Variants in ATAD2B observed in about 807,000 individuals in gnomAD.
ATAD2B encodes the protein ATPase family AAA domain-containing protein 2B.
Under a neutral mutation model 167.6 loss-of-function variants are expected in ATAD2B, and 40 were observed. That is an observed-to-expected ratio of 0.24 (90% CI 0.19 to 0.31). The LOEUF is 0.31. Ranked by LOEUF, ATAD2B falls within the 10% of genes least tolerant of loss-of-function variation. The probability of loss-of-function intolerance (pLI) is 1.00; values close to 1 mark genes in which losing one functional copy is unlikely to be tolerated. For synonymous variants in ATAD2B, 579 were observed against 596.5 expected (o/e 0.97, Z 0.43); for missense variants, 1,242 against 1,757.2 (o/e 0.71, Z 5.24).
At chr2:23,830,371 G>A (rs895511601) in intron 14 of ATAD2B, among the ~76,000 whole-genome samples, 2 of 152,144 alleles carry the variant, frequency 1.3e-5, no homozygotes, top group African/African-American at 4.8e-5. Flanking sequence ...TCAGAATTTT[G>A]TTTTCACATC....
At chr2:23,877,131 A>C (rs1314234219) in intron 7 of ATAD2B, among the ~76,000 whole-genome samples, 2 of 151,970 alleles carry the variant, frequency 1.3e-5, no homozygotes, top group South Asian at 2.1e-4. Flanking sequence ...AATCCATTAA[A>C]ATTTTTTTTT....
intron 13 of ATAD2B, among the ~76,000 whole-genome samples, chr2:23,848,047 C>T (rs910578798): frequency 1.3e-5 from 2 of 150,446 alleles, no homozygotes; most frequent in Non-Finnish European, 3.0e-5. Context: ...GAACTTGTCA[C>T]TTGCAGGCCC....
At chr2:23,904,870 G>T (rs1701292218) in intron 1 of ATAD2B, among the ~76,000 whole-genome samples, 1 of 151,996 alleles carries the variant, frequency 6.6e-6, no homozygotes, top group Non-Finnish European at 1.5e-5. Context: ...AGAGGCAGTG[G>T]TTACCATGAC....
chr2:23,710,434 A>G, the ATAD2B span, among the ~76,000 whole-genome samples: 52 of 152,230 alleles, frequency 3.4e-4, no homozygotes, highest in African/African-American at 1.1e-3. Flanking sequence ...AGGGACTCCA[A>G]CTGCTCATGA....
At chr2:23,738,047 T>C in the ATAD2B span, among the ~76,000 whole-genome samples, 1 of 152,156 alleles carries the variant, frequency 6.6e-6, no homozygotes, top group East Asian at 1.9e-4. Context: ...TATGGGACTA[T>C]GTGAAAAGAC....
At chr2:23,679,185 C>A in the ATAD2B span, among the ~76,000 whole-genome samples, 2 of 152,148 alleles carry the variant, frequency 1.3e-5, no homozygotes, top group African/African-American at 4.8e-5. Context: ...GCTTAACAAA[C>A]AATTCTAAAA....
chr2:23,788,331 A>AT, intron 20 of ATAD2B, 181 bp downstream of exon 20: 1 of 636,112 alleles, frequency 1.6e-6, no homozygotes, highest in Non-Finnish European at 2.7e-6. Flanking sequence ...TAACAAGGCT[A>AT]TACTTCCCAA....
At chr2:23,786,003 G>GT (rs1329686610) in intron 21 of ATAD2B, 24 bp downstream of exon 21, 1 of 1,570,582 alleles carries the variant, frequency 6.4e-7, no homozygotes, top group Non-Finnish European at 8.6e-7. Flanking sequence ...CAACTTCACT[G>GT]TTTGCACACT....
chr2:23,804,604 G>C (rs1684038878), intron 18 of ATAD2B, among the ~76,000 whole-genome samples: 1 of 150,142 alleles, frequency 6.7e-6, no homozygotes, highest in Non-Finnish European at 1.5e-5. Flanking sequence ...GCGTACAAGA[G>C]ACCAGAGGAT....
chr2:23,834,152 C>CTTAT, intron 13 of ATAD2B, 74 bp from the exon 14 acceptor site: 1 of 117,898 alleles, frequency 8.5e-6, no homozygotes. Context: ...ATCAGTCTTT[C>CTTAT]TTTTTTTTTT....
intron 4 of ATAD2B, among the ~76,000 whole-genome samples, chr2:23,886,241 T>C (rs1482966578): frequency 2.0e-5 from 3 of 152,092 alleles, no homozygotes; most frequent in Non-Finnish European, 2.9e-5. Flanking sequence ...CCCCACCATA[T>C]CCCAATTAAA....
At chr2:23,910,157 T>C (rs72796319) in intron 1 of ATAD2B, among the ~76,000 whole-genome samples, 18,009 of 148,572 alleles carry the variant, frequency 0.12, 1,176 homozygotes, top group Middle Eastern at 0.22. Context: ...AGCCACTGTG[T>C]CCACTCTTGC....
At chr2:23,725,042 C>CAAAA in the ATAD2B span, among the ~76,000 whole-genome samples, 10 of 71,708 alleles carry the variant, frequency 1.4e-4, no homozygotes, top group Admixed American at 4.0e-4. Flanking sequence ...GACTCTGTCT[C>CAAAA]AAAAAAAAAA....
intron 7 of ATAD2B, among the ~76,000 whole-genome samples, chr2:23,878,090 G>A (rs1301275081): frequency 2.0e-5 from 3 of 149,106 alleles, no homozygotes; most frequent in Admixed American, 6.9e-5. Flanking sequence ...GCCAGGCATG[G>A]TGGCTCAGGT....
chr2:23,924,303 G>A (rs1704398845), intron 1 of ATAD2B, among the ~76,000 whole-genome samples: 1 of 152,148 alleles, frequency 6.6e-6, no homozygotes, highest in Non-Finnish European at 1.5e-5. Context: ...AAGGGTCTGC[G>A]AAAGCAACAA....
At chr2:23,921,376 G>C (rs964183327) in intron 1 of ATAD2B, among the ~76,000 whole-genome samples, 4 of 152,096 alleles carry the variant, frequency 2.6e-5, no homozygotes, top group Non-Finnish European at 4.4e-5. Context: ...GAACAGACAG[G>C]ATCACTCAAC....
chr2:23,691,394 C>T, the ATAD2B span: 381 of 484,480 alleles, frequency 7.9e-4, 1 homozygote, highest in Middle Eastern at 4.1e-3. Context: ...TCCTGGTCCT[C>T]GTCCCCATCC....
At chr2:23,919,057 T>G (rs1703492448) in intron 1 of ATAD2B, among the ~76,000 whole-genome samples, 1 of 152,114 alleles carries the variant, frequency 6.6e-6, no homozygotes, top group South Asian at 2.1e-4. Context: ...AAAGAAAGAT[T>G]GTCGGCTAGG....
the ATAD2B span, among the ~76,000 whole-genome samples, chr2:23,735,004 G>T: frequency 3.3e-5 from 5 of 152,138 alleles, no homozygotes; most frequent in Non-Finnish European, 5.9e-5. Flanking sequence ...CTTGTTGAAA[G>T]GAAGTCATTA....
Sources: gnomAD v4.1 joint callset for allele counts (sites outside exome capture counted in the v4.1 genomes callset) on GRCh38, gnomAD v4.1.1 for gene constraint, MANE v1.5 for transcripts, NCBI Gene and HGNC (gene_info 2026-07-23, HGNC 2026-07-21) for gene names.